Variants in FAM222B observed in about 807,000 individuals in gnomAD.
FAM222B encodes family with sequence similarity 222 member B.
Under a neutral mutation model 38.0 loss-of-function variants are expected in FAM222B, and 12 were observed. The ratio of observed to expected loss-of-function variants is 0.32; its 90% confidence interval spans 0.20 to 0.51. The LOEUF is 0.51. Ranked by LOEUF, FAM222B falls within the 20% of genes least tolerant of loss-of-function variation. The pLI, the probability that FAM222B is intolerant of heterozygous loss-of-function variation, is 0.97. For synonymous variants in FAM222B, 329 were observed against 317.2 expected, an observed-to-expected ratio of 1.04 and a Z score of -0.40; for missense variants, 716 against 754.2, an observed-to-expected ratio of 0.95 and a Z score of 0.59.
intron 1 of FAM222B, among the ~76,000 whole-genome samples, chr17:28,813,141 A>C (rs1448851452): frequency 1.0e-4 from 13 of 127,328 alleles, no homozygotes; most frequent in East Asian, 6.4e-4. Flanking sequence ...AAAAAAAAAA[A>C]CACACACATA....
chr17:28,811,427 G>A (rs573142510), intron 1 of FAM222B, among the ~76,000 whole-genome samples: 1 of 152,194 alleles, frequency 6.6e-6, no homozygotes, highest in Admixed American at 6.5e-5. Context: ...GCAACAGAGC[G>A]AGACTCGTCT....
chr17:28,846,961 C>T (rs189854038), upstream of FAM222B, among the ~76,000 whole-genome samples: 784 of 152,016 alleles, frequency 5.2e-3, 8 homozygotes, highest in Admixed American at 7.6e-3. Context: ...TGGTGGCTGA[C>T]GCCTGTAATC....
At chr17:28,773,053 G>A (rs1402310196) in intron 1 of FAM222B, among the ~76,000 whole-genome samples, 1 of 152,154 alleles carries the variant, frequency 6.6e-6, no homozygotes, top group Non-Finnish European at 1.5e-5. Context: ...AAGAAACAGA[G>A]CTTGAGGTCC....
At chr17:28,854,941 C>G in intron 1 of FAM222B, 1 of 1,416,876 alleles carries the variant, frequency 7.1e-7, no homozygotes, top group Non-Finnish European at 9.4e-7. Context: ...TCAATTTGGG[C>G]AGACCTACCT....
At chr17:28,833,383 G>A (rs558294958) in intron 1 of FAM222B, among the ~76,000 whole-genome samples, 16 of 151,654 alleles carry the variant, frequency 1.1e-4, no homozygotes, top group African/African-American at 3.1e-4. Context: ...TTGGGAGGCC[G>A]AAGCAGGTGC....
intron 1 of FAM222B, among the ~76,000 whole-genome samples, chr17:28,797,459 A>G (rs572405457): frequency 6.6e-6 from 1 of 152,234 alleles, no homozygotes; most frequent in African/African-American, 2.4e-5. Context: ...ATAAAGAACA[A>G]TTTGATCTTG....
chr17:28,791,551 T>C (rs766820186), intron 1 of FAM222B, among the ~76,000 whole-genome samples: 3 of 151,644 alleles, frequency 2.0e-5, no homozygotes, highest in African/African-American at 4.8e-5. Flanking sequence ...AATTTCGCCA[T>C]TGGAAAGCAA....
intron 1 of FAM222B, among the ~76,000 whole-genome samples, chr17:28,796,994 C>CTTTTTTTT (rs34242589): frequency 1.3e-4 from 11 of 81,600 alleles, no homozygotes; most frequent in South Asian, 4.8e-4. Context: ...GTGGCTATTG[C>CTTTTTTTT]TTTTTTTTTT....
At chr17:28,823,927 G>A (rs536852297) in intron 1 of FAM222B, among the ~76,000 whole-genome samples, 1 of 149,576 alleles carries the variant, frequency 6.7e-6, no homozygotes, top group African/African-American at 2.5e-5. Context: ...GCCCAGGCTG[G>A]AGTGCAGTGG....
Position 28,759,476 on chromosome 17 carries a change from T to A in FAM222B, c.483A>T (p.Ala161=). ...ALARQQALQH[A]QTLAHAPPQT... ...GGGGAGGGGCATGGGCCAGGGTCTG[T>A]GCATGCTGCAGGGCCTGCTGGCGGG... is the stretch of plus-strand genomic sequence containing the variant. Residue 161 remains alanine, a synonymous_variant, in exon 3 of 3, where the codon GCA becomes GCT. Transcript: ENST00000581407. The surrounding 1 kb of genome is among the most constrained non-coding windows in gnomAD (Gnocchi z 4.8). The A allele has an allele frequency of 6.4e-7, 1 of 1,555,494 alleles. No individual in the cohort carries two copies. Among genetic ancestry groups the A allele is most frequent in the South Asian group, 1.2e-5 (1 of 82,826 alleles).
intron 1 of FAM222B, among the ~76,000 whole-genome samples, chr17:28,806,492 C>T (rs2037502262): frequency 1.3e-5 from 2 of 152,152 alleles, no homozygotes; most frequent in East Asian, 1.9e-4. Context: ...TCGGGCACCA[C>T]GGTGCACACC....
At chr17:28,774,412 T>A (rs938117574) in intron 1 of FAM222B, among the ~76,000 whole-genome samples, 5 of 152,192 alleles carry the variant, frequency 3.3e-5, no homozygotes, top group Non-Finnish European at 5.9e-5. Flanking sequence ...CTAGTTTTCC[T>A]AACGCCAGCT....
At chr17:28,852,855 GTA>G (rs1461339862) in intron 1 of FAM222B, among the ~76,000 whole-genome samples, 3 of 151,950 alleles carry the variant, frequency 2.0e-5, no homozygotes, top group Non-Finnish European at 4.4e-5. Flanking sequence ...CAAGGAGTTC[GTA>G]ACCAGCCTGG....
intron 1 of FAM222B, among the ~76,000 whole-genome samples, chr17:28,793,912 A>AT (rs560775775): frequency 1.6e-4 from 24 of 151,454 alleles, no homozygotes; most frequent in African/African-American, 1.9e-4. Flanking sequence ...CGCCAGGCTA[A>AT]TTTTTTTTGC....
chr17:28,819,316 TAA>T (rs1248682952), intron 1 of FAM222B, among the ~76,000 whole-genome samples: 2 of 152,044 alleles, frequency 1.3e-5, no homozygotes, highest in Non-Finnish European at 2.9e-5. Context: ...CTCTTATAAC[TAA>T]ATAAGAGGAA....
At chr17:28,825,603 A>G (rs1378840262) in intron 1 of FAM222B, among the ~76,000 whole-genome samples, 1 of 152,040 alleles carries the variant, frequency 6.6e-6, no homozygotes, top group East Asian at 1.9e-4. Flanking sequence ...TACCAAGCTC[A>G]TTCCTCCTTA....
chr17:28,823,429 G>C (rs914401621), intron 1 of FAM222B, among the ~76,000 whole-genome samples: 14 of 151,596 alleles, frequency 9.2e-5, no homozygotes, highest in African/African-American at 2.7e-4. Context: ...AATTAGGCCG[G>C]AGTGCAGTGG....
chr17:28,820,140 C>T (rs2038159859), intron 1 of FAM222B, among the ~76,000 whole-genome samples: 1 of 152,194 alleles, frequency 6.6e-6, no homozygotes, highest in African/African-American at 2.4e-5. Context: ...GGTGAGGTGT[C>T]AGGGTAAAGT....
rs767117390 is a variant in FAM222B, at chr17:28,796,551, T to TA, written c.-40-29845dup. 1.6e-3 allele frequency among the ~76,000 whole-genome samples: 244 copies of TA among 152,312 alleles called. 2 individuals carry two copies. Among genetic ancestry groups the TA allele is most frequent in the Non-Finnish European group, 5.1e-4 (35 of 68,032 alleles). ...TGGTCTGATCTCCACACCATGCTAC[T>TA]ATGCACTAAATGCATCATGTGCCAC... On this transcript the variant is annotated intron_variant, in intron 1 of 2. Transcript: ENST00000581407.
Sources: allele counts gnomAD v4.1 joint callset (sites outside exome capture counted in the v4.1 genomes callset), GRCh38; gene constraint gnomAD v4.1.1; non-coding constraint Gnocchi (gnomAD v3.1); transcripts MANE v1.5; gene names NCBI Gene and HGNC (gene_info 2026-07-23, HGNC 2026-07-21).